The following ATXN7L1 variants were observed in gnomAD, a reference collection of about 807,000 sequenced individuals.
ATXN7L1 encodes the protein ataxin-7-like protein 1.
In ATXN7L1, 15 loss-of-function variants were observed where a neutral mutation model predicts 70.8. The ratio of observed to expected loss-of-function variants is 0.21; its 90% confidence interval spans 0.14 to 0.33. The LOEUF is 0.33. Ranked by LOEUF, ATXN7L1 falls within the 10% of genes least tolerant of loss-of-function variation. The probability of loss-of-function intolerance (pLI) is 1.00; values close to 1 mark genes in which losing one functional copy is unlikely to be tolerated. For missense variants in ATXN7L1, 975 were observed against 1,097.1 expected, an observed-to-expected ratio of 0.89 and a Z score of 1.57; for synonymous variants, 440 against 445.1, an observed-to-expected ratio of 0.99 and a Z score of 0.14.
At chr7:105,707,476 G>T (rs1056232778) in intron 3 of ATXN7L1, among the ~76,000 whole-genome samples, 2 of 152,172 alleles carry the variant, frequency 1.3e-5, no homozygotes, top group Non-Finnish European at 2.9e-5. Flanking sequence ...GCTGGGCTAT[G>T]GGCTGAACCC....
intron 2 of ATXN7L1, among the ~76,000 whole-genome samples, chr7:105,799,767 A>G (rs1375153991): frequency 6.6e-6 from 1 of 152,132 alleles, no homozygotes; most frequent in Non-Finnish European, 1.5e-5. Context: ...GTGGAAAGGA[A>G]CTGTGTAATG....
intron 3 of ATXN7L1, among the ~76,000 whole-genome samples, chr7:105,666,140 C>T (rs558268953): frequency 6.6e-6 from 1 of 152,280 alleles, no homozygotes; most frequent in East Asian, 1.9e-4. Context: ...TTTAGAATAA[C>T]AGATCTGATA....
chr7:105,633,238 A>G (rs1463053941), intron 7 of ATXN7L1, among the ~76,000 whole-genome samples: 2 of 152,194 alleles, frequency 1.3e-5, no homozygotes, highest in East Asian at 3.8e-4. Context: ...CAGGAAGCTA[A>G]TGAAAGAGGT....
intron 2 of ATXN7L1, among the ~76,000 whole-genome samples, chr7:105,791,446 C>T (rs1216125644): frequency 6.6e-6 from 1 of 152,216 alleles, no homozygotes; most frequent in Non-Finnish European, 1.5e-5. Flanking sequence ...GCCCAGCCAA[C>T]ACCCTGTGGG....
At chr7:105,667,773 C>T (rs1802888460) in intron 3 of ATXN7L1, among the ~76,000 whole-genome samples, 1 of 151,600 alleles carries the variant, frequency 6.6e-6, no homozygotes, top group Non-Finnish European at 1.5e-5. Flanking sequence ...TGCCAGCCTT[C>T]AGGTTAAAGC....
intron 3 of ATXN7L1, among the ~76,000 whole-genome samples, chr7:105,733,977 C>T (rs1157335988): frequency 2.0e-5 from 3 of 148,302 alleles, no homozygotes; most frequent in African/African-American, 7.4e-5. Flanking sequence ...TCCATCCATC[C>T]ATGCTTTCAA....
intron 3 of ATXN7L1, among the ~76,000 whole-genome samples, chr7:105,692,648 T>C (rs1167793545): frequency 6.6e-6 from 1 of 152,082 alleles, no homozygotes; most frequent in Non-Finnish European, 1.5e-5. Flanking sequence ...AGTTTTGCCA[T>C]GTTGGCCAGG....
At position 105,788,809 on chromosome 7, in the gene ATXN7L1, A is replaced by G. The variant is rs535624066; in HGVS notation, c.251-101T>C. 22 of 929,644 alleles carry G rather than the reference A, an allele frequency of 2.4e-5. No homozygotes were observed. In the African/African-American group the frequency reaches 3.4e-4, roughly 14 times the overall value. 57.6% of individuals were successfully genotyped at this position (929,644 alleles called of 1,614,324 possible). A position where few individuals can be genotyped will look rare whatever the true frequency, so the allele number is the denominator to read the frequency against. On this transcript the variant is annotated intron_variant, in intron 2 of 11. Transcript: ENST00000419735. Reference sequence around the variant, plus strand: ...TTTCTTCAAGGACAGTTTTTCAAACACAACACGCAGAAAGGCAATAATCTT... The same window carrying G: ...TTTCTTCAAGGACAGTTTTTCAAACGCAACACGCAGAAAGGCAATAATCTT...
At chr7:105,784,458 A>ACACACACACACACACACACT (rs761004403) in intron 3 of ATXN7L1, among the ~76,000 whole-genome samples, 8 of 151,646 alleles carry the variant, frequency 5.3e-5, no homozygotes, top group African/African-American at 1.9e-4. Context: ...ACACACACAC[A>ACACACACACACACACACACT]CTTTTTTCAA....
chr7:105,777,528 T>C (rs745655948), intron 3 of ATXN7L1, among the ~76,000 whole-genome samples: 1 of 152,202 alleles, frequency 6.6e-6, no homozygotes, highest in Non-Finnish European at 1.5e-5. Flanking sequence ...TCACTGGCCA[T>C]TCTCCTTCAA....
intron 6 of ATXN7L1, 106 bp from the exon 7 acceptor site, chr7:105,638,715 C>G: frequency 7.2e-7 from 1 of 1,393,594 alleles, no homozygotes; most frequent in Non-Finnish European, 9.5e-7. Context: ...TTTAGAGGTG[C>G]TTGAAAAGTC....
chr7:105,836,248 T>G (rs1432696521), intron 2 of ATXN7L1, among the ~76,000 whole-genome samples: 1 of 152,172 alleles, frequency 6.6e-6, no homozygotes, highest in African/African-American at 2.4e-5. Flanking sequence ...GCACAGAACA[T>G]GGAGGTTTCT....
intron 3 of ATXN7L1, among the ~76,000 whole-genome samples, chr7:105,684,505 T>C (rs771337417): frequency 1.3e-5 from 2 of 152,330 alleles, no homozygotes; most frequent in Non-Finnish European, 1.5e-5. Context: ...CCAATCTAGA[T>C]TTTTTATTTG....
At chr7:105,836,683 G>C (rs957395663) in intron 2 of ATXN7L1, among the ~76,000 whole-genome samples, 1 of 152,192 alleles carries the variant, frequency 6.6e-6, no homozygotes, top group East Asian at 1.9e-4. Flanking sequence ...GGACATCTCA[G>C]GATTTGAAAT....
At chr7:105,830,847 T>C (rs1385597126) in intron 2 of ATXN7L1, among the ~76,000 whole-genome samples, 1 of 151,994 alleles carries the variant, frequency 6.6e-6, no homozygotes, top group East Asian at 1.9e-4. Flanking sequence ...CTGCAAAGAG[T>C]GTTTCACTTC....
intron 8 of ATXN7L1, among the ~76,000 whole-genome samples, chr7:105,623,660 C>T (rs1314941983): frequency 6.6e-6 from 1 of 152,196 alleles, no homozygotes; most frequent in Non-Finnish European, 1.5e-5. Context: ...TGACACGCTG[C>T]TAAGACAGTT....
intron 8 of ATXN7L1, among the ~76,000 whole-genome samples, chr7:105,620,835 C>T (rs1459707198): frequency 1.3e-5 from 2 of 148,986 alleles, no homozygotes; most frequent in Non-Finnish European, 3.0e-5. Context: ...GTGGAGGTTG[C>T]AGTGAGCTGA....
At chr7:105,837,803 G>A (rs1397825113) in intron 2 of ATXN7L1, among the ~76,000 whole-genome samples, 2 of 152,122 alleles carry the variant, frequency 1.3e-5, no homozygotes, top group African/African-American at 4.8e-5. Context: ...CTCACATGGC[G>A]AGCCCGATGC....
At chr7:105,867,912 C>A (rs995766471) in intron 2 of ATXN7L1, among the ~76,000 whole-genome samples, 9 of 152,106 alleles carry the variant, frequency 5.9e-5, no homozygotes, top group Non-Finnish European at 1.0e-4. Flanking sequence ...GCGCAAGATG[C>A]GGCTCAGCAT....
Sources: allele counts gnomAD v4.1 joint callset (sites outside exome capture counted in the v4.1 genomes callset), GRCh38; gene constraint gnomAD v4.1.1; transcripts MANE v1.5; gene names NCBI Gene and HGNC (gene_info 2026-07-23, HGNC 2026-07-21).